Variants in GRIP2 observed in about 807,000 individuals in gnomAD.
GRIP2 encodes the protein glutamate receptor interacting protein 2.
A neutral mutation model predicts 108.3 loss-of-function variants in GRIP2; 58 were observed. The observed-to-expected ratio is 0.54, with a 90% CI of 0.43 to 0.67. The LOEUF (loss-of-function observed/expected upper bound fraction) is 0.67, where lower values mean the gene tolerates loss of function less well. Among genes scored for constraint, GRIP2 ranks in the 30% least tolerant of loss-of-function variants. The probability of loss-of-function intolerance (pLI) is 0.00; values close to 1 mark genes in which losing one functional copy is unlikely to be tolerated. For missense variants in GRIP2, 1,278 were observed against 1,430.6 expected, an observed-to-expected ratio of 0.89 and a Z score of 1.72; for synonymous variants, 586 against 598.2, an observed-to-expected ratio of 0.98 and a Z score of 0.30.
chr3:14,583,081 G>C, the GRIP2 span, among the ~76,000 whole-genome samples: 1 of 152,198 alleles, frequency 6.6e-6, no homozygotes, highest in Non-Finnish European at 1.5e-5. Context: ...GTGGAACCCA[G>C]GTCTTTCTCA....
the GRIP2 span, among the ~76,000 whole-genome samples, chr3:14,589,718 C>A: frequency 6.6e-6 from 1 of 151,924 alleles, no homozygotes; most frequent in Non-Finnish European, 1.5e-5. Context: ...ATAGCACTAC[C>A]CACTTATTGT....
chr3:14,560,308 T>C (rs563037906), upstream of GRIP2, among the ~76,000 whole-genome samples: 1 of 152,264 alleles, frequency 6.6e-6, no homozygotes, highest in South Asian at 2.1e-4. Context: ...GTATACAGTA[T>C]ACAGTCAATA....
chr3:14,556,827 G>T (rs1695243804), upstream of GRIP2, among the ~76,000 whole-genome samples: 2 of 152,228 alleles, frequency 1.3e-5, no homozygotes, highest in South Asian at 4.1e-4. Context: ...TGCCCTAGGG[G>T]AGACTGAGGC....
At chr3:14,558,156 T>C (rs904637479), upstream of GRIP2, among the ~76,000 whole-genome samples, 1 of 152,148 alleles carries the variant, frequency 6.6e-6, no homozygotes, top group African/African-American at 2.4e-5. Flanking sequence ...AACATCCCTA[T>C]TTTACAAGCA....
intron 17 of GRIP2, among the ~76,000 whole-genome samples, 184 bp downstream of exon 17, chr3:14,509,636 G>A (rs1158074236): frequency 6.6e-6 from 1 of 152,232 alleles, no homozygotes; most frequent in Non-Finnish European, 1.5e-5. Flanking sequence ...TGGCAGGCAG[G>A]GGCTGACACT....
intron 22 of GRIP2, 105 bp downstream of exon 22, chr3:14,496,312 G>T: frequency 2.1e-6 from 2 of 946,086 alleles, no homozygotes; most frequent in East Asian, 2.7e-5. Flanking sequence ...TGTGGTGGAG[G>T]AGACTAAAGC....
chr3:14,548,557 C>T (rs527773779), intron 1 of GRIP2, among the ~76,000 whole-genome samples: 6 of 152,314 alleles, frequency 3.9e-5, no homozygotes, highest in Admixed American at 6.5e-5. Context: ...TTGGTGCCAG[C>T]GTCAGCCTGT....
Position 14,504,570 on chromosome 3 carries a change from G to A in GRIP2, c.2574-899C>T, listed in dbSNP as rs75738144. 3.8e-3 allele frequency among the ~76,000 whole-genome samples: 586 copies of A among 152,210 alleles called. 29 individuals are homozygous for A. In the East Asian group the frequency reaches 0.1, roughly 26 times the overall value. ...CGTGATCTGCCCACTTCAGCCTCCT[G>A]AAGTGCTGGGATTACAGGCGTGAGC... On this transcript the variant is annotated intron_variant, in intron 20 of 23. Coordinates refer to ENST00000621039, the MANE Select transcript of GRIP2 (RefSeq NM_001080423.4).
At chr3:14,561,599 C>A in the GRIP2 span, among the ~76,000 whole-genome samples, 5 of 152,234 alleles carry the variant, frequency 3.3e-5, no homozygotes, top group African/African-American at 1.2e-4. Context: ...CCAGCCTCCA[C>A]CAATGCTGCT....
At chr3:14,540,498 A>C (rs1026914955), upstream of GRIP2, 4 of 1,388,956 alleles carry the variant, frequency 2.9e-6, no homozygotes, top group Non-Finnish European at 3.9e-6. The surrounding 1 kb of genome is among the most constrained non-coding windows in gnomAD (Gnocchi z 4.1). Flanking sequence ...GGCTGGCTCC[A>C]GGACAGGGTC....
intron 1 of GRIP2, among the ~76,000 whole-genome samples, chr3:14,549,270 G>C (rs777739347): frequency 6.6e-6 from 1 of 152,250 alleles, no homozygotes; most frequent in Non-Finnish European, 1.5e-5. Flanking sequence ...GTCTAGTACA[G>C]CTTGTACACC....
chr3:14,573,888 C>A, the GRIP2 span: 1 of 1,224,200 alleles, frequency 8.2e-7, no homozygotes, highest in African/African-American at 1.5e-5. Context: ...GGTCTGCAGG[C>A]AGCCCGACCT....
chr3:14,527,078 T>C (rs926366458), intron 1 of GRIP2, among the ~76,000 whole-genome samples: 2 of 152,096 alleles, frequency 1.3e-5, no homozygotes, highest in African/African-American at 4.8e-5. Context: ...TCCCAGCTAC[T>C]CAGGAGGCTG....
In GRIP2 at chr3:14,511,414, T is replaced by A; in HGVS notation, c.1786A>T (p.Arg596Trp). 1 of 1,614,010 alleles carries A rather than the reference T, an allele frequency of 6.2e-7. No individual in the cohort carries two copies. Among genetic ancestry groups the A allele is most frequent in the Non-Finnish European group, 8.5e-7 (1 of 1,179,854 alleles). The change falls in exon 15 of 24, where the codon AGG (arginine) becomes TGG (tryptophan). Residue 596 changes from arginine (R) to tryptophan (W), a missense_variant and splice_region_variant. Coordinates refer to ENST00000621039, the MANE Select transcript of GRIP2 (RefSeq NM_001080423.4). This position sits in a 1 kb window ranked among gnomAD's most constrained non-coding sequence, Gnocchi z 4.1. ...SDIKKGSVAH[R>W]TGTLEPGDKL... ...CTTCCTGTGCCCCAGTGCCCCTACC[T>A]GTGTGCCACGCTGCCTTTCTTGATG...
intron 17 of GRIP2, among the ~76,000 whole-genome samples, chr3:14,509,163 G>A (rs1694012900): frequency 2.0e-5 from 3 of 152,142 alleles, no homozygotes; most frequent in East Asian, 1.9e-4. Flanking sequence ...CTCCTGCGCG[G>A]TGCCCTCCTC....
intron 1 of GRIP2, among the ~76,000 whole-genome samples, chr3:14,536,122 G>A (rs1166425220): frequency 6.6e-6 from 1 of 152,204 alleles, no homozygotes; most frequent in Non-Finnish European, 1.5e-5. Flanking sequence ...AAAATTTGAA[G>A]CCTCATTCAT....
the GRIP2 span, among the ~76,000 whole-genome samples, chr3:14,587,507 C>T: frequency 1.3e-5 from 2 of 151,964 alleles, no homozygotes; most frequent in African/African-American, 2.4e-5. Flanking sequence ...GGCATGGTGG[C>T]GGGCACCTGT....
Position 14,522,637 on chromosome 3 carries a change from C to T in GRIP2, c.566+363G>A, listed in dbSNP as rs1015071918. ...AGGACCCAGGAGACTGAGTCACAGA[C>T]GGCTACAGCAGTGGCCAATCAGCGT... On this transcript the variant is annotated intron_variant, in intron 6 of 23. Coordinates refer to ENST00000621039, the MANE Select transcript of GRIP2 (RefSeq NM_001080423.4). The surrounding 1 kb of genome is among the most constrained non-coding windows in gnomAD (Gnocchi z 4.3). The T allele has an allele frequency of 3.7e-5, 8 of 218,448 alleles. No homozygotes were observed. In the East Asian group the frequency reaches 5.7e-4, roughly 16 times the overall value. The allele number at this position is 218,448 out of a possible 1,614,324, so 13.5% of individuals were successfully genotyped here. A position where few individuals can be genotyped will look rare whatever the true frequency, so the allele number is the denominator to read the frequency against.
chr3:14,597,720 A>C, the GRIP2 span, among the ~76,000 whole-genome samples: 2 of 152,188 alleles, frequency 1.3e-5, no homozygotes, highest in Admixed American at 1.3e-4. Flanking sequence ...CAAAAGCAAA[A>C]GAGATGATTT....
Sources: allele counts gnomAD v4.1 joint callset (sites outside exome capture counted in the v4.1 genomes callset), GRCh38; gene constraint gnomAD v4.1.1; non-coding constraint Gnocchi (gnomAD v3.1); transcripts MANE v1.5; gene names NCBI Gene and HGNC (gene_info 2026-07-23, HGNC 2026-07-21).